The following VDR variants were observed in gnomAD, a reference collection of about 807,000 sequenced individuals.
VDR encodes vitamin D3 receptor.
A neutral mutation model predicts 39.7 loss-of-function variants in VDR; 19 were observed. That is an observed-to-expected ratio of 0.48 (90% CI 0.33 to 0.70). The LOEUF is 0.70. Among genes scored for constraint, VDR ranks in the 30% least tolerant of loss-of-function variants. The probability of loss-of-function intolerance (pLI) is 0.02; values close to 1 mark genes in which losing one functional copy is unlikely to be tolerated. For missense variants in VDR, 442 were observed against 570.5 expected (o/e 0.77, Z 2.29); for synonymous variants, 242 against 215.8 (o/e 1.12, Z -1.07).
chr12:47,860,357 T>C (rs12721393), intron 4 of VDR, among the ~76,000 whole-genome samples: 6 of 152,158 alleles, frequency 3.9e-5, no homozygotes, highest in Non-Finnish European at 8.8e-5. Context: ...ACACCAAATA[T>C]CAAATGCATC....
chr12:47,870,590 G>C (rs998229227), intron 3 of VDR, among the ~76,000 whole-genome samples: 17 of 152,208 alleles, frequency 1.1e-4, no homozygotes, highest in African/African-American at 4.1e-4. Context: ...AAAACAGAAA[G>C]AGACAAAAAC....
intron 4 of VDR, among the ~76,000 whole-genome samples, chr12:47,858,710 G>A (rs752782208): frequency 3.9e-5 from 6 of 152,264 alleles, no homozygotes; most frequent in Non-Finnish European, 7.3e-5. Flanking sequence ...CCTTTGGCCT[G>A]TAGCTACTTG....
Position 47,859,999 on chromosome 12 carries a change from A to G in VDR, c.278-2311T>C, listed in dbSNP as rs540247132. Among the ~76,000 whole-genome samples the G allele has an allele frequency of 3.5e-5, 5 of 140,930 alleles. No homozygotes were observed. The South Asian group carries it at 1.1e-3, about 31-fold the overall frequency. 92.5% of individuals were successfully genotyped at this position (140,930 alleles called of 152,430 possible). ...TCTTTCTTTCACAGACTCTCGCTCT[A>G]TTATCCAGGCTGGAGTGCAGTGGCA... On this transcript the variant is annotated intron_variant, in intron 4 of 9. Coordinates refer to ENST00000549336, the MANE Select transcript of VDR (RefSeq NM_000376.3).
rs148127532 is a variant in VDR, at chr12:47,894,498, T to G, written c.-84+10457A>C. 3.9e-3 allele frequency among the ~76,000 whole-genome samples: 600 copies of G among 152,286 alleles called. 5 individuals are homozygous for G. The highest frequency in any genetic ancestry group is 0.014 in the African/African-American group (570 of 41,562). ...GGTGGGCTGCAGACAGGTAGCATCCTAGGGAGGATGTCAGCAGCGGTGGTC... is the reference window on the plus strand; with the variant it reads ...GGTGGGCTGCAGACAGGTAGCATCCGAGGGAGGATGTCAGCAGCGGTGGTC... On this transcript the variant is annotated intron_variant, in intron 1 of 9. Transcript: ENST00000549336.
At chr12:47,864,999 C>A in intron 4 of VDR, 48 bp downstream of exon 4, 1 of 1,609,550 alleles carries the variant, frequency 6.2e-7, no homozygotes, top group Non-Finnish European at 8.5e-7. Context: ...AAGGCCTTTC[C>A]CTGACTCCAC....
At chr12:47,871,430 T>TTTCC (rs1165532063) in intron 3 of VDR, among the ~76,000 whole-genome samples, 65 of 149,588 alleles carry the variant, frequency 4.3e-4, no homozygotes, top group African/African-American at 9.1e-4. Flanking sequence ...TCTATCTGTC[T>TTTCC]TTCCTTCCTT....
intron 7 of VDR, among the ~76,000 whole-genome samples, chr12:47,848,589 C>G (rs1251749186): frequency 1.2e-5 from 1 of 85,458 alleles, no homozygotes; most frequent in Non-Finnish European, 2.1e-5. Context: ...TTTTTTGAGA[C>G]AGAGTCTTGC....
intron 1 of VDR, among the ~76,000 whole-genome samples, chr12:47,883,593 C>T (rs1946200917): frequency 6.6e-6 from 1 of 152,128 alleles, no homozygotes. Context: ...CCCTACTTGT[C>T]CACCTGCAGA....
At chr12:47,874,408 CT>C (rs1339717041) in intron 3 of VDR, among the ~76,000 whole-genome samples, 1 of 152,132 alleles carries the variant, frequency 6.6e-6, no homozygotes, top group Non-Finnish European at 1.5e-5. Context: ...TCTCTGCTTC[CT>C]TTCACATCAG....
chr12:47,857,866 A>G (rs915030740), intron 4 of VDR, among the ~76,000 whole-genome samples, 178 bp from the exon 5 acceptor site: 1 of 152,126 alleles, frequency 6.6e-6, no homozygotes, highest in East Asian at 1.9e-4. Context: ...TGGGTTTGCT[A>G]TGGTGAAAAG....
intron 1 of VDR, among the ~76,000 whole-genome samples, chr12:47,901,958 C>A (rs994099318): frequency 6.6e-6 from 1 of 152,184 alleles, no homozygotes; most frequent in Non-Finnish European, 1.5e-5. Flanking sequence ...AGGGAAAAGA[C>A]GAGAATTGGC....
At chr12:47,847,117 G>A (rs887623904) in intron 7 of VDR, among the ~76,000 whole-genome samples, 1 of 152,108 alleles carries the variant, frequency 6.6e-6, no homozygotes, top group Non-Finnish European at 1.5e-5. Context: ...CCAGCATTGA[G>A]GCATGAATAT....
intron 1 of VDR, among the ~76,000 whole-genome samples, chr12:47,885,076 C>T (rs759515931): frequency 4.6e-5 from 7 of 152,172 alleles, no homozygotes; most frequent in Non-Finnish European, 1.0e-4. Flanking sequence ...ACGCCCACCC[C>T]ACCAGCAATT....
rs532730860 is a variant in VDR, at chr12:47,873,603, C to T, written c.146+5365G>A. On this transcript the variant is annotated intron_variant, in intron 3 of 9. Coordinates refer to ENST00000549336, the MANE Select transcript of VDR (RefSeq NM_000376.3). ...GTCTCGATCTCCTGACCTCGTGATC[C>T]GCCCGCCTCGGCCTCCCAAAGTGCT... 4.1e-4 allele frequency among the ~76,000 whole-genome samples: 62 copies of T among 151,898 alleles called. 1 individual carries two copies. The South Asian group carries it at 7.3e-3, about 18-fold the overall frequency.
At chr12:47,875,634 G>A (rs1945984555) in intron 3 of VDR, among the ~76,000 whole-genome samples, 2 of 152,216 alleles carry the variant, frequency 1.3e-5, no homozygotes, top group Non-Finnish European at 2.9e-5. Context: ...GAGAAATGAT[G>A]TATGTATAGC....
At chr12:47,869,451 G>A (rs1945806240) in intron 3 of VDR, among the ~76,000 whole-genome samples, 1 of 150,654 alleles carries the variant, frequency 6.6e-6, no homozygotes, top group Non-Finnish European at 1.5e-5. Flanking sequence ...CAGGAGAATG[G>A]CGTGAACCCG....
At chr12:47,866,604 C>T (rs749730770) in intron 3 of VDR, among the ~76,000 whole-genome samples, 5 of 152,106 alleles carry the variant, frequency 3.3e-5, no homozygotes, top group African/African-American at 4.8e-5. Context: ...CAGAACCTGC[C>T]CAGAAAAAGA....
At chr12:47,877,805 C>T (rs574467212) in intron 3 of VDR, among the ~76,000 whole-genome samples, 1 of 152,204 alleles carries the variant, frequency 6.6e-6, no homozygotes, top group Non-Finnish European at 1.5e-5. Context: ...TTGTCTGGTT[C>T]CCCGAGCTGG....
chr12:47,857,052 C>T, intron 6 of VDR, 77 bp downstream of exon 6: 3 of 1,604,734 alleles, frequency 1.9e-6, no homozygotes, highest in Non-Finnish European at 2.6e-6. Context: ...CTCCTTCCAT[C>T]CAGCAGCCCC....
Sources: gnomAD v4.1 joint callset for allele counts (sites outside exome capture counted in the v4.1 genomes callset) on GRCh38, gnomAD v4.1.1 for gene constraint, MANE v1.5 for transcripts, NCBI Gene and HGNC (gene_info 2026-07-23, HGNC 2026-07-21) for gene names.